Variants in TFB1M observed in about 807,000 individuals in gnomAD.
The protein encoded by TFB1M is transcription factor B1, mitochondrial, also known as dimethyladenosine transferase 1, mitochondrial.
TFB1M carries 27 observed loss-of-function variants against 31.1 expected under a neutral mutation model. The observed-to-expected ratio is 0.87, with a 90% CI of 0.64 to 1.20. TFB1M has a LOEUF of 1.20. Ranked by LOEUF, TFB1M falls within the 50% of genes most tolerant of loss-of-function variation. The pLI is 0.00. For synonymous variants in TFB1M, 166 were observed against 151.8 expected (o/e 1.09, Z -0.69); for missense variants, 394 against 418.7 (o/e 0.94, Z 0.51).
At chr6:155,295,820 A>C (rs1777143615) in intron 4 of TFB1M, among the ~76,000 whole-genome samples, 2 of 152,186 alleles carry the variant, frequency 1.3e-5, no homozygotes, top group African/African-American at 2.4e-5. Flanking sequence ...TAAAACATTT[A>C]TACTGTCTTA....
At chr6:155,254,729 A>G (rs563696308), downstream of TFB1M, 14 of 952,324 alleles carry the variant, frequency 1.5e-5, no homozygotes, top group East Asian at 3.5e-4. Context: ...TCTTGCTCCC[A>G]GACGTTCTAC....
Position 155,314,388 on chromosome 6 carries a change from G to A in TFB1M, c.41C>T (p.Pro14Leu). 6.2e-7 allele frequency: 1 copy of A among 1,614,246 alleles called. No homozygotes were observed. Among genetic ancestry groups the A allele is most frequent in the Non-Finnish European group, 8.5e-7 (1 of 1,180,050 alleles). Residue 14 changes from proline (P) to leucine (L), a missense_variant, in exon 1 of 7, where the codon CCG becomes CTG. By Grantham distance (98) the Pro-to-Leu change is moderately conservative. Transcript: ENST00000367166. ...SGKLSTCRLPPLPTIREIIKL... is the reference protein window; with the variant it reads ...SGKLSTCRLPLLPTIREIIKL... ...AATGATTTCTCGAATCGTGGGCAAC[G>A]GAGGGAGACGGCAAGTGCTGAGTTT...
chr6:155,250,472 A>G, the TFB1M span: 1 of 1,352,618 alleles, frequency 7.4e-7, no homozygotes, highest in Non-Finnish European at 1.0e-6. Context: ...AAATGGCAGG[A>G]ACAGGAAAGG....
intron 5 of TFB1M, chr6:155,264,390 TCA>T (rs916456115): frequency 5.3e-5 from 8 of 152,172 alleles, no homozygotes; most frequent in African/African-American, 1.9e-4. Flanking sequence ...TGAATGTAGA[TCA>T]CATTTTCTGG....
At chr6:155,272,914 A>G (rs1784999808) in intron 5 of TFB1M, among the ~76,000 whole-genome samples, 1 of 152,206 alleles carries the variant, frequency 6.6e-6, no homozygotes, top group South Asian at 2.1e-4. Flanking sequence ...AATGGGAAGA[A>G]AAGGATTATA....
At chr6:155,234,288 C>T in the TFB1M span, among the ~76,000 whole-genome samples, 1 of 152,152 alleles carries the variant, frequency 6.6e-6, no homozygotes, top group Admixed American at 6.5e-5. Flanking sequence ...TTATGATCAT[C>T]TGTCTTTTGC....
chr6:155,295,954 T>G (rs1175403263), intron 4 of TFB1M, among the ~76,000 whole-genome samples: 2 of 152,024 alleles, frequency 1.3e-5, no homozygotes, highest in African/African-American at 4.8e-5. Context: ...TTTGTGGGGG[T>G]TCTGGAATCA....
Position 155,256,410 on chromosome 6 carries a change from A to G in TFB1M, c.*1426T>C. 2 of 1,593,662 alleles carry G rather than the reference A, an allele frequency of 1.3e-6. No homozygotes were observed. Among genetic ancestry groups the G allele is most frequent in the Non-Finnish European group, 1.7e-6 (2 of 1,170,580 alleles). ...AAAATCTTAATGTTAAATCTTACAC[A>G]AGCTTTGAGGCAAACATTACACATT... On this transcript the variant is annotated 3_prime_UTR_variant, in exon 7 of 7. Transcript: ENST00000367166.
intron 5 of TFB1M, among the ~76,000 whole-genome samples, chr6:155,261,961 A>G (rs1156371206): frequency 6.6e-6 from 1 of 152,216 alleles, no homozygotes; most frequent in Non-Finnish European, 1.5e-5. Flanking sequence ...AATAAATTTT[A>G]GTAAGTTTTT....
In TFB1M at chr6:155,298,577, A is replaced by G; in HGVS notation, c.294T>C (p.Ser98=). The G allele has an allele frequency of 6.2e-7, 1 of 1,607,922 alleles. No individual in the cohort carries two copies. Among genetic ancestry groups the G allele is most frequent in the Non-Finnish European group, 8.5e-7 (1 of 1,174,632 alleles). Residue 98 remains serine, a synonymous_variant, in exon 3 of 7, where the codon TCT becomes TCC. Coordinates refer to ENST00000367166, the MANE Select transcript of TFB1M (RefSeq NM_016020.4). ...TTCTCAGTTTCCCAGGTGCTGCATC[A>G]GAAAGCATCTAGTTTATAAAAAGAT... ...TRFIPGLQML[S]DAAPGKLRIV... is the part of the protein sequence containing the mutation.
chr6:155,287,330 G>C (rs1776706284), intron 4 of TFB1M, among the ~76,000 whole-genome samples: 1 of 151,778 alleles, frequency 6.6e-6, no homozygotes, highest in Non-Finnish European at 1.5e-5. Flanking sequence ...ACGGGCGATA[G>C]GTATAAAAAT....
At chr6:155,258,111 T>TC (rs759265719) in intron 6 of TFB1M, 29 bp from the exon 7 acceptor site, 62 of 1,613,472 alleles carry the variant, frequency 3.8e-5, no homozygotes, top group Non-Finnish European at 5.0e-5. Context: ...GACAGAAAAA[T>TC]AAGAATTTTA....
intron 5 of TFB1M, among the ~76,000 whole-genome samples, chr6:155,262,836 G>A (rs2114671240): frequency 6.6e-6 from 1 of 152,294 alleles, no homozygotes; most frequent in East Asian, 1.9e-4. Context: ...AATACAGGAA[G>A]TGTCTAACTT....
At chr6:155,277,371 T>C (rs1785273035) in intron 5 of TFB1M, among the ~76,000 whole-genome samples, 1 of 152,370 alleles carries the variant, frequency 6.6e-6, no homozygotes, top group South Asian at 2.1e-4. Flanking sequence ...TAAATTATGA[T>C]ATGTGATTCA....
chr6:155,301,898 C>G (rs982531653), intron 2 of TFB1M, among the ~76,000 whole-genome samples: 2 of 151,060 alleles, frequency 1.3e-5, no homozygotes, highest in African/African-American at 2.4e-5. Flanking sequence ...TTTTTTTTTC[C>G]CTGGTATTAT....
chr6:155,265,531 G>A (rs1284186664), intron 5 of TFB1M, among the ~76,000 whole-genome samples: 2 of 151,340 alleles, frequency 1.3e-5, no homozygotes, highest in African/African-American at 2.4e-5. Flanking sequence ...TTAGGATTAG[G>A]TCAAATCACT....
downstream of TFB1M, chr6:155,253,906 C>CAAGT: frequency 8.2e-7 from 1 of 1,222,418 alleles, no homozygotes; most frequent in South Asian, 1.4e-5. Context: ...TTCAACTTTA[C>CAAGT]AAGTGTTCTT....
chr6:155,250,015 G>A, the TFB1M span: 36 of 1,455,708 alleles, frequency 2.5e-5, no homozygotes, highest in Non-Finnish European at 3.2e-5. Context: ...ATGTGGTGTG[G>A]GGTCTGTAGG....
chr6:155,304,462 T>C (rs893232310), intron 2 of TFB1M, among the ~76,000 whole-genome samples: 8 of 151,902 alleles, frequency 5.3e-5, no homozygotes, highest in Non-Finnish European at 7.4e-5. Context: ...TTAAACCAAT[T>C]TAAAAAACAG....
Sources: gnomAD v4.1 joint callset for allele counts (sites outside exome capture counted in the v4.1 genomes callset) on GRCh38, gnomAD v4.1.1 for gene constraint, MANE v1.5 for transcripts, NCBI Gene and HGNC (gene_info 2026-07-23, HGNC 2026-07-21) for gene names.